FBXO8: variants seen among roughly 807,000 people sequenced by gnomAD.
The protein encoded by FBXO8 is F-box only protein 8.
A neutral mutation model predicts 33.4 loss-of-function variants in FBXO8; 15 were observed. That is an observed-to-expected ratio of 0.45 (90% CI 0.30 to 0.69). FBXO8 has a LOEUF of 0.69. Among genes scored for constraint, FBXO8 ranks in the 30% least tolerant of loss-of-function variants. The probability of loss-of-function intolerance (pLI) is 0.08; values close to 1 mark genes in which losing one functional copy is unlikely to be tolerated. For synonymous variants in FBXO8, 132 were observed against 131.5 expected, an observed-to-expected ratio of 1.00 and a Z score of -0.02; for missense variants, 274 against 380.3, an observed-to-expected ratio of 0.72 and a Z score of 2.32.
intron 1 of FBXO8, among the ~76,000 whole-genome samples, chr4:174,282,624 A>G (rs564604233): frequency 6.6e-6 from 1 of 152,300 alleles, no homozygotes. Flanking sequence ...TCAAACATTA[A>G]AAGAAGGAAG....
chr4:174,268,293 CTG>C lies in FBXO8; in HGVS notation c.-8-5195_-8-5194del, dbSNP rs200031661. 1.2e-4 allele frequency among the ~76,000 whole-genome samples: 18 copies of C among 152,308 alleles called. No homozygotes were observed. The East Asian group carries it at 3.5e-3, about 29-fold the overall frequency. On this transcript the variant is annotated intron_variant, in intron 1 of 5. Transcript: ENST00000393674. ...TTAATACATATTGCTAATTCATTAA[CTG>C]TGAACTCATGGCCAACCGCACTATA... is the stretch of plus-strand genomic sequence containing the variant.
At chr4:174,246,394 G>T (rs1736157837) in intron 3 of FBXO8, among the ~76,000 whole-genome samples, 1 of 151,922 alleles carries the variant, frequency 6.6e-6, no homozygotes, top group South Asian at 2.1e-4. Context: ...AATAGGAAGA[G>T]GGCACTGAGT....
Position 174,261,720 on chromosome 4 carries a change from A to G in FBXO8, c.329+1044T>C, listed in dbSNP as rs1046186734. ...CTATTTAGAGGTTGAGAAATGACCT[A>G]TATAACTTGTACTAGAACTGTGTGA... On this transcript the variant is annotated intron_variant, in intron 2 of 5. Coordinates refer to ENST00000393674, the MANE Select transcript of FBXO8 (RefSeq NM_012180.3). The surrounding 1 kb of genome is among the most constrained non-coding windows in gnomAD (Gnocchi z 4.1). Among the ~76,000 whole-genome samples, 1 of 152,054 alleles carries G rather than the reference A, an allele frequency of 6.6e-6. No homozygotes were observed. The highest frequency in any genetic ancestry group is 1.5e-5 in the Non-Finnish European group (1 of 67,884).
intron 4 of FBXO8, among the ~76,000 whole-genome samples, chr4:174,239,615 A>G (rs1560864287): frequency 6.6e-6 from 1 of 151,856 alleles, no homozygotes; most frequent in Non-Finnish European, 1.5e-5. Context: ...ATTTACATAG[A>G]CTTTTAAGAA....
Position 174,262,364 on chromosome 4 carries a change from G to C in FBXO8, c.329+400C>G, listed in dbSNP as rs923467196. On this transcript the variant is annotated intron_variant, in intron 2 of 5. Transcript: ENST00000393674. This position sits in a 1 kb window ranked among gnomAD's most constrained non-coding sequence, Gnocchi z 4.6. ...CATTTGAGGACTATTCATTGATTTCGAAGTCTGCCTATTATTCAGATGGCA... is the reference window on the plus strand; with the variant it reads ...CATTTGAGGACTATTCATTGATTTCCAAGTCTGCCTATTATTCAGATGGCA... Among the ~76,000 whole-genome samples the C allele has an allele frequency of 7.9e-5, 12 of 152,240 alleles. No homozygotes were observed. Among genetic ancestry groups the C allele is most frequent in the African/African-American group, 2.6e-4 (11 of 41,548 alleles).
At position 174,278,137 on chromosome 4, in the gene FBXO8, A is replaced by G. The variant is rs547282263; in HGVS notation, c.-9+5273T>C. On this transcript the variant is annotated intron_variant, in intron 1 of 5. Coordinates refer to ENST00000393674, the MANE Select transcript of FBXO8 (RefSeq NM_012180.3). This position sits in a 1 kb window ranked among gnomAD's most constrained non-coding sequence, Gnocchi z 4.1. ...AATCACATCCCTAAAATTTAAAGGC[A>G]ACAAATGTAGAGAAATAAAGGAAGG... is the stretch of plus-strand genomic sequence containing the variant. 5.3e-5 allele frequency among the ~76,000 whole-genome samples: 8 copies of G among 152,214 alleles called. No homozygotes were observed. In the South Asian group the frequency reaches 1.7e-3, roughly 32 times the overall value.
At position 174,270,504 on chromosome 4, in the gene FBXO8, A is replaced by C. The variant is rs1736813510; in HGVS notation, c.-8-7404T>G. On this transcript the variant is annotated intron_variant, in intron 1 of 5. Coordinates refer to ENST00000393674, the MANE Select transcript of FBXO8 (RefSeq NM_012180.3). The surrounding 1 kb of genome is among the most constrained non-coding windows in gnomAD (Gnocchi z 4.6). ...TTTCAGTAAAGTTATATCTAGGATT[A>C]CTAAACATATATGGTGTTTTTCTTT... Among the ~76,000 whole-genome samples the C allele has an allele frequency of 6.6e-6, 1 of 152,196 alleles. No individual in the cohort carries two copies. The highest frequency in any genetic ancestry group is 1.5e-5 in the Non-Finnish European group (1 of 68,038).
rs897320283 is a variant in FBXO8, at chr4:174,272,735, A to T, written c.-8-9635T>A. Among the ~76,000 whole-genome samples the T allele has an allele frequency of 2.0e-5, 3 of 152,240 alleles. No homozygotes were observed. The highest frequency in any genetic ancestry group is 7.2e-5 in the African/African-American group (3 of 41,474). Reference sequence around the variant, plus strand: ...GAATCTGGAGTTTGACAAAGAATGGAATACTTACAGAATCCCAAAGTATCT... The same window carrying T: ...GAATCTGGAGTTTGACAAAGAATGGTATACTTACAGAATCCCAAAGTATCT... On this transcript the variant is annotated intron_variant, in intron 1 of 5. Transcript: ENST00000393674. This position sits in a 1 kb window ranked among gnomAD's most constrained non-coding sequence, Gnocchi z 4.7.
At chr4:174,264,276 C>A (rs1481138937) in intron 1 of FBXO8, among the ~76,000 whole-genome samples, 1 of 151,934 alleles carries the variant, frequency 6.6e-6, no homozygotes, top group Non-Finnish European at 1.5e-5. Flanking sequence ...AACAAACCAA[C>A]AACAGTGACT....
In FBXO8 at chr4:174,241,303, AT is replaced by A; in HGVS notation, c.457-86del. On this transcript the variant is annotated intron_variant, in intron 3 of 5. Coordinates refer to ENST00000393674, the MANE Select transcript of FBXO8 (RefSeq NM_012180.3). This position sits in a 1 kb window ranked among gnomAD's most constrained non-coding sequence, Gnocchi z 4.2. Reference sequence around the variant, plus strand: ...ATTAAGCAATAGCACAACAGTAGCTATAAATTCTTTCCAGCATTAATAGACT... The same window carrying A: ...ATTAAGCAATAGCACAACAGTAGCTAAAATTCTTTCCAGCATTAATAGACT... 2 of 705,042 alleles carry A rather than the reference AT, an allele frequency of 2.8e-6. No homozygotes were observed. Among genetic ancestry groups the A allele is most frequent in the Non-Finnish European group, 4.7e-6 (2 of 421,514 alleles). The allele number at this position is 705,042 out of a possible 1,614,324, so 43.7% of individuals were successfully genotyped here.
At position 174,265,080 on chromosome 4, in the gene FBXO8, C is replaced by T. The variant is rs1736663648; in HGVS notation, c.-8-1980G>A. ...AACATAACTATGAGATACTACTACACACCCATTAAAAGAGTATATCCGAAA... is the reference window on the plus strand; with the variant it reads ...AACATAACTATGAGATACTACTACATACCCATTAAAAGAGTATATCCGAAA... On this transcript the variant is annotated intron_variant, in intron 1 of 5. Coordinates refer to ENST00000393674, the MANE Select transcript of FBXO8 (RefSeq NM_012180.3). The surrounding 1 kb of genome is among the most constrained non-coding windows in gnomAD (Gnocchi z 4.7). Among the ~76,000 whole-genome samples the T allele has an allele frequency of 6.6e-6, 1 of 152,110 alleles. No individual in the cohort carries two copies. Among genetic ancestry groups the T allele is most frequent in the Non-Finnish European group, 1.5e-5 (1 of 67,970 alleles).
Position 174,270,015 on chromosome 4 carries a change from T to A in FBXO8, c.-8-6915A>T, listed in dbSNP as rs962076421. 6.6e-6 allele frequency among the ~76,000 whole-genome samples: 1 copy of A among 152,224 alleles called. No homozygotes were observed. Among genetic ancestry groups the A allele is most frequent in the Non-Finnish European group, 1.5e-5 (1 of 68,040 alleles). ...AAAATATTCATGTTCAATTCTGTAC[T>A]ACCTGCAAATACACTCAGGGAGCAT... is the stretch of plus-strand genomic sequence containing the variant. On this transcript the variant is annotated intron_variant, in intron 1 of 5. Transcript: ENST00000393674. This position sits in a 1 kb window ranked among gnomAD's most constrained non-coding sequence, Gnocchi z 4.6.
Position 174,239,220 on chromosome 4 carries a change from G to A in FBXO8, c.576-30C>T, listed in dbSNP as rs773251469. 9 of 1,427,934 alleles carry A rather than the reference G, an allele frequency of 6.3e-6. No homozygotes were observed. In the East Asian group the frequency reaches 2.0e-4, roughly 32 times the overall value. The allele number at this position is 1,427,934 out of a possible 1,614,324, so 88.5% of individuals were successfully genotyped here. On this transcript the variant is annotated intron_variant, in intron 4 of 5. Coordinates refer to ENST00000393674, the MANE Select transcript of FBXO8 (RefSeq NM_012180.3). ...AGAAAGAAAAAAAGGCACAGCTTTGGTTAACTTTTCTTCATTAAAAAAATG... is the reference window on the plus strand; with the variant it reads ...AGAAAGAAAAAAAGGCACAGCTTTGATTAACTTTTCTTCATTAAAAAAATG...
intron 3 of FBXO8, among the ~76,000 whole-genome samples, chr4:174,246,392 G>A (rs745418471): frequency 1.5e-4 from 23 of 151,988 alleles, no homozygotes; most frequent in Admixed American, 2.6e-4. Context: ...AGAATAGGAA[G>A]AGGGCACTGA....
chr4:174,282,556 T>C (rs2126456915), intron 1 of FBXO8, among the ~76,000 whole-genome samples: 1 of 152,296 alleles, frequency 6.6e-6, no homozygotes. Context: ...CACATATCAT[T>C]TTCGTGAAGG....
rs1217789643 is a variant in FBXO8 at position 174,267,564 on chromosome 4, A to T, written c.-8-4464T>A. On this transcript the variant is annotated intron_variant, in intron 1 of 5. Transcript: ENST00000393674. This position sits in a 1 kb window ranked among gnomAD's most constrained non-coding sequence, Gnocchi z 4.7. ...CTTGCCTCTAAAAAAAATTAAAATTAAAAATTAAAAGAAAATAAACTGTCA... is the reference window on the plus strand; with the variant it reads ...CTTGCCTCTAAAAAAAATTAAAATTTAAAATTAAAAGAAAATAAACTGTCA... 6.6e-6 allele frequency among the ~76,000 whole-genome samples: 1 copy of T among 152,156 alleles called. No individual in the cohort carries two copies. Among genetic ancestry groups the T allele is most frequent in the Non-Finnish European group, 1.5e-5 (1 of 68,016 alleles).
chr4:174,243,220 T>G (rs180751828), intron 3 of FBXO8, among the ~76,000 whole-genome samples: 1 of 151,498 alleles, frequency 6.6e-6, no homozygotes, highest in Admixed American at 6.6e-5. Context: ...ACCTCAGTTC[T>G]CCCAAATCAA....
chr4:174,278,705 A>G lies in FBXO8; in HGVS notation c.-9+4705T>C, dbSNP rs1361092793. On this transcript the variant is annotated intron_variant, in intron 1 of 5. Transcript: ENST00000393674. This position sits in a 1 kb window ranked among gnomAD's most constrained non-coding sequence, Gnocchi z 4.1. ...TCAGTATACACATACTCACCTGCCC[A>G]CTAACCACAAAGGCCATTGCTATGA... Among the ~76,000 whole-genome samples, 3 of 152,090 alleles carry G rather than the reference A, an allele frequency of 2.0e-5. No individual in the cohort carries two copies. Among genetic ancestry groups the G allele is most frequent in the Non-Finnish European group, 2.9e-5 (2 of 67,946 alleles).
In FBXO8 at chr4:174,278,489, C is replaced by T. The variant is rs1737003970; in HGVS notation, c.-9+4921G>A. 6.6e-6 allele frequency among the ~76,000 whole-genome samples: 1 copy of T among 151,974 alleles called. No homozygotes were observed. The highest frequency in any genetic ancestry group is 1.5e-5 in the Non-Finnish European group (1 of 67,922). On this transcript the variant is annotated intron_variant, in intron 1 of 5. Coordinates refer to ENST00000393674, the MANE Select transcript of FBXO8 (RefSeq NM_012180.3). The surrounding 1 kb of genome is among the most constrained non-coding windows in gnomAD (Gnocchi z 4.1). ...CAACCAAAAATCTAAGAATTTTAGG[C>T]TTATTCAATTTCTGTGGTTTGTTTT...
Sources: gnomAD v4.1 joint callset for allele counts (sites outside exome capture counted in the v4.1 genomes callset) on GRCh38, gnomAD v4.1.1 for gene constraint, Gnocchi (gnomAD v3.1) non-coding constraint, MANE v1.5 for transcripts, NCBI Gene and HGNC (gene_info 2026-07-23, HGNC 2026-07-21) for gene names.